The following IGF2BP2 variants were observed in gnomAD, a reference collection of about 807,000 sequenced individuals.
IGF2BP2 encodes insulin like growth factor 2 mRNA binding protein 2, also known as insulin-like growth factor 2 mRNA-binding protein 2.
IGF2BP2 carries 17 observed loss-of-function variants against 75.8 expected under a neutral mutation model. The observed-to-expected ratio is 0.22, with a 90% CI of 0.15 to 0.34. The LOEUF (loss-of-function observed/expected upper bound fraction) is 0.34. Among genes scored for constraint, IGF2BP2 ranks in the 10% least tolerant of loss-of-function variants. The pLI, the probability that IGF2BP2 is intolerant of heterozygous loss-of-function variation, is 1.00. For synonymous variants in IGF2BP2, 288 were observed against 295.6 expected, an observed-to-expected ratio of 0.97 and a Z score of 0.26; for missense variants, 516 against 772.4, an observed-to-expected ratio of 0.67 and a Z score of 3.93.
At chr3:185,733,519 G>A (rs1418563457) in intron 2 of IGF2BP2, among the ~76,000 whole-genome samples, 6 of 152,226 alleles carry the variant, frequency 3.9e-5, no homozygotes. Context: ...CACTTTGGGA[G>A]GCCGAGGCAG....
At chr3:185,820,056 T>C (rs1741124676) in intron 2 of IGF2BP2, among the ~76,000 whole-genome samples, 1 of 151,946 alleles carries the variant, frequency 6.6e-6, no homozygotes, top group Admixed American at 6.6e-5. Flanking sequence ...ACCATCTCAG[T>C]GAAAGAATGT....
chr3:185,822,620 G>A (rs924956670), intron 2 of IGF2BP2, among the ~76,000 whole-genome samples: 2 of 152,110 alleles, frequency 1.3e-5, no homozygotes, highest in Non-Finnish European at 1.5e-5. Flanking sequence ...GAAAAAGTCC[G>A]GCTTTTAACT....
chr3:185,778,537 C>A (rs765782275), intron 2 of IGF2BP2, among the ~76,000 whole-genome samples: 1 of 152,128 alleles, frequency 6.6e-6, no homozygotes, highest in Non-Finnish European at 1.5e-5. Context: ...AGTTAAAAGG[C>A]GAATAATGCC....
At chr3:185,663,685 T>C (rs1379879538) in intron 10 of IGF2BP2, among the ~76,000 whole-genome samples, 1 of 152,090 alleles carries the variant, frequency 6.6e-6, no homozygotes, top group African/African-American at 2.4e-5. Flanking sequence ...GCATAGGAAT[T>C]ATGTTTAATT....
Position 185,777,590 on chromosome 3 carries a change from C to T in IGF2BP2, c.239+45563G>A, listed in dbSNP as rs1489877367. 2.0e-5 allele frequency among the ~76,000 whole-genome samples: 3 copies of T among 152,182 alleles called. No individual in the cohort carries two copies. The East Asian group carries it at 5.8e-4, about 29-fold the overall frequency. ...TTAAATAAATGAGCTATGCACACAT[C>T]TAAGAAATATTCATAAAAACAAGTA... On this transcript the variant is annotated intron_variant, in intron 2 of 15. Transcript: ENST00000382199.
intron 7 of IGF2BP2, among the ~76,000 whole-genome samples, chr3:185,677,156 C>T (rs1206486079): frequency 6.8e-6 from 1 of 147,938 alleles, no homozygotes; most frequent in Non-Finnish European, 1.5e-5. Context: ...GTTTTCAAGG[C>T]CCCACCCGCT....
intron 2 of IGF2BP2, among the ~76,000 whole-genome samples, chr3:185,818,577 CAT>C (rs1363954252): frequency 2.0e-5 from 3 of 152,140 alleles, no homozygotes; most frequent in Non-Finnish European, 4.4e-5. Context: ...CAACAAAAAA[CAT>C]ATACACACAC....
chr3:185,704,811 G>C (rs1723783047), intron 2 of IGF2BP2, among the ~76,000 whole-genome samples: 1 of 152,120 alleles, frequency 6.6e-6, no homozygotes, highest in South Asian at 2.1e-4. Context: ...GGATCACAGA[G>C]ACTGATTAAG....
intron 2 of IGF2BP2, among the ~76,000 whole-genome samples, chr3:185,782,618 A>C (rs1425975790): frequency 6.6e-6 from 1 of 152,196 alleles, no homozygotes; most frequent in Non-Finnish European, 1.5e-5. Flanking sequence ...TCACCAAAAA[A>C]TAATTATTCC....
chr3:185,745,773 G>A (rs1381249344), intron 2 of IGF2BP2, among the ~76,000 whole-genome samples: 1 of 151,028 alleles, frequency 6.6e-6, no homozygotes, highest in Non-Finnish European at 1.5e-5. Context: ...ACAGTGCACA[G>A]CATAGCTGCT....
At chr3:185,714,719 G>T (rs578014343) in intron 2 of IGF2BP2, among the ~76,000 whole-genome samples, 1 of 152,156 alleles carries the variant, frequency 6.6e-6, no homozygotes, top group African/African-American at 2.4e-5. Context: ...AGGCCAAGTC[G>T]AGAGGATTGC....
chr3:185,805,793 C>A (rs1738947315), intron 2 of IGF2BP2, among the ~76,000 whole-genome samples: 2 of 139,330 alleles, frequency 1.4e-5, no homozygotes, highest in African/African-American at 2.7e-5. Context: ...TTTTTTGAGA[C>A]GGAGCTTCAC....
chr3:185,697,909 C>T (rs918291920), intron 3 of IGF2BP2, among the ~76,000 whole-genome samples: 7 of 152,018 alleles, frequency 4.6e-5, no homozygotes, highest in African/African-American at 1.4e-4. Context: ...GTAGGAAGAT[C>T]CCTGGACCCG....
In IGF2BP2 at chr3:185,823,148, T is replaced by C; in HGVS notation, c.239+5A>G. ...CAAAAAAAAAACTAAGCAAAGTATATTTACCTTAGCTTTTTAGAGACTGAG... is the reference window on the plus strand; with the variant it reads ...CAAAAAAAAAACTAAGCAAAGTATACTTACCTTAGCTTTTTAGAGACTGAG... On this transcript the variant is annotated splice_donor_5th_base_variant and intron_variant, in intron 2 of 15. Coordinates refer to ENST00000382199, the MANE Select transcript of IGF2BP2 (RefSeq NM_006548.6). 1 of 1,594,872 alleles carries C rather than the reference T, an allele frequency of 6.3e-7. No individual in the cohort carries two copies. Among genetic ancestry groups the C allele is most frequent in the Non-Finnish European group, 8.6e-7 (1 of 1,168,566 alleles).
intron 2 of IGF2BP2, among the ~76,000 whole-genome samples, chr3:185,780,635 T>C (rs916789370): frequency 6.6e-6 from 1 of 152,214 alleles, no homozygotes; most frequent in Non-Finnish European, 1.5e-5. Flanking sequence ...GGTAGCTTTT[T>C]TCATTTGTCT....
chr3:185,652,713 C>T (rs1714806577), intron 12 of IGF2BP2, among the ~76,000 whole-genome samples: 1 of 152,208 alleles, frequency 6.6e-6, no homozygotes, highest in Non-Finnish European at 1.5e-5. Flanking sequence ...ATAAGTAAAA[C>T]AGCAGCAGAG....
rs1719254605 is a variant in IGF2BP2, at chr3:185,675,828, T to C, written c.898A>G (p.Ile300Val). 6.2e-6 allele frequency: 10 copies of C among 1,613,720 alleles called. No homozygotes were observed. Among genetic ancestry groups the C allele is most frequent in the Non-Finnish European group, 7.6e-6 (9 of 1,179,920 alleles). Residue 300 changes from isoleucine (I) to valine (V), a missense_variant, in exon 8 of 16, where the codon ATT (isoleucine) becomes GTT (valine). Physicochemically the swap from Ile to Val is conservative, Grantham distance 29 (BLOSUM62 3). Coordinates refer to ENST00000382199, the MANE Select transcript of IGF2BP2 (RefSeq NM_006548.6). ...IGKEGRNLKKIEHETGTKITI... is the reference protein window; with the variant it reads ...IGKEGRNLKKVEHETGTKITI... ...ATCTTGGTCCCTGTTTCATGTTCAA[T>C]TTTCTTCAAATTTCTGCCTTCTTTT...
chr3:185,701,056 A>C (rs1302086873), intron 2 of IGF2BP2, among the ~76,000 whole-genome samples: 1 of 152,192 alleles, frequency 6.6e-6, no homozygotes, highest in Non-Finnish European at 1.5e-5. Flanking sequence ...TTTAGTTGGT[A>C]AAAGAATACT....
chr3:185,821,655 T>C (rs765118427), intron 2 of IGF2BP2, among the ~76,000 whole-genome samples: 2 of 152,102 alleles, frequency 1.3e-5, no homozygotes, highest in African/African-American at 4.8e-5. Context: ...TTTTACTAAT[T>C]ATAACCCCCA....
Sources: allele counts gnomAD v4.1 joint callset (sites outside exome capture counted in the v4.1 genomes callset), GRCh38; gene constraint gnomAD v4.1.1; transcripts MANE v1.5; gene names NCBI Gene and HGNC (gene_info 2026-07-23, HGNC 2026-07-21).